ZFPM2: variants seen among roughly 807,000 people sequenced by gnomAD.
ZFPM2 encodes zinc finger protein, FOG family member 2.
A neutral mutation model predicts 98.6 loss-of-function variants in ZFPM2; 20 were observed. The ratio of observed to expected loss-of-function variants is 0.20; its 90% CI spans 0.14 to 0.29. ZFPM2 has a LOEUF of 0.29. Ranked by LOEUF, ZFPM2 falls within the 10% of genes least tolerant of loss-of-function variation. The pLI, the probability that ZFPM2 is intolerant of heterozygous loss-of-function variation, is 1.00. For synonymous variants in ZFPM2, 518 were observed against 502.7 expected (o/e 1.03, Z -0.41); for missense variants, 1,310 against 1,388.6 (o/e 0.94, Z 0.90).
At chr8:105,673,524 A>C (rs1817636611) in intron 5 of ZFPM2, among the ~76,000 whole-genome samples, 1 of 152,092 alleles carries the variant, frequency 6.6e-6, no homozygotes, top group South Asian at 2.1e-4. Context: ...TGCTTCTGTT[A>C]CTGCCTTTTT....
intron 4 of ZFPM2, among the ~76,000 whole-genome samples, chr8:105,575,912 T>C (rs13270854): frequency 0.11 from 17,491 of 152,218 alleles, 1,287 homozygotes; most frequent in Non-Finnish European, 0.17. Context: ...TAAGCTGTTT[T>C]GGAGCCTAAT....
intron 3 of ZFPM2, among the ~76,000 whole-genome samples, chr8:105,456,207 A>G (rs1196599352): frequency 6.9e-6 from 1 of 145,308 alleles, no homozygotes; most frequent in African/African-American, 2.5e-5. Flanking sequence ...CCTGGCTTAA[A>G]TGGTGCTGAG....
intron 3 of ZFPM2, among the ~76,000 whole-genome samples, chr8:105,446,263 G>A (rs2130229839): frequency 6.6e-6 from 1 of 152,260 alleles, no homozygotes; most frequent in African/African-American, 2.4e-5. Context: ...TGTTAATTTA[G>A]AAGTGTTTTT....
intron 5 of ZFPM2, among the ~76,000 whole-genome samples, chr8:105,671,014 T>C (rs1477697211): frequency 6.6e-6 from 1 of 152,170 alleles, no homozygotes; most frequent in Non-Finnish European, 1.5e-5. Flanking sequence ...GATGTATTGT[T>C]AGTTTACCAT....
intron 1 of ZFPM2, among the ~76,000 whole-genome samples, chr8:105,415,317 A>C (rs180987589): frequency 9.3e-4 from 142 of 152,188 alleles, no homozygotes; most frequent in Non-Finnish European, 1.6e-3. Context: ...AATGAGGTAA[A>C]TATTCATATT....
At chr8:105,648,474 T>A (rs1376299795) in intron 5 of ZFPM2, among the ~76,000 whole-genome samples, 3 of 152,182 alleles carry the variant, frequency 2.0e-5, no homozygotes, top group African/African-American at 7.2e-5. Flanking sequence ...CTGAATGGTA[T>A]TGCCTAGGTT....
chr8:105,746,654 AAT>A (rs139590217), intron 5 of ZFPM2, among the ~76,000 whole-genome samples: 11,037 of 111,910 alleles, frequency 0.099, 636 homozygotes, highest in African/African-American at 0.13. Context: ...TGTTTTTAAA[AAT>A]TTTTTTTTTT....
intron 1 of ZFPM2, among the ~76,000 whole-genome samples, chr8:105,347,970 A>T (rs1812570181): frequency 6.6e-6 from 1 of 152,174 alleles, no homozygotes; most frequent in African/African-American, 2.4e-5. Flanking sequence ...AATCACCTTA[A>T]TCCAGTGTGA....
chr8:105,645,928 C>A (rs2130858693), intron 5 of ZFPM2, among the ~76,000 whole-genome samples: 1 of 151,894 alleles, frequency 6.6e-6, no homozygotes, highest in African/African-American at 2.4e-5. Flanking sequence ...TGGCACACAC[C>A]TGTAGTCCCA....
chr8:105,793,905 C>G (rs7834155), intron 6 of ZFPM2, among the ~76,000 whole-genome samples: 3 of 151,512 alleles, frequency 2.0e-5, no homozygotes, highest in Admixed American at 6.6e-5. Flanking sequence ...ACGTAGTTCT[C>G]GAGCCTTGGC....
chr8:105,426,297 A>G (rs531900014), intron 2 of ZFPM2, among the ~76,000 whole-genome samples: 109 of 152,252 alleles, frequency 7.2e-4, no homozygotes, highest in African/African-American at 2.5e-3. Context: ...AGCCAATATG[A>G]CTTTGTTTTT....
chr8:105,795,734 A>C, intron 6 of ZFPM2: 1 of 426,134 alleles, frequency 2.3e-6, no homozygotes, highest in Non-Finnish European at 4.6e-6. Flanking sequence ...AACTTAACTT[A>C]GTTTGTATTT....
At chr8:105,418,782 G>C (rs535089711) in intron 1 of ZFPM2, 1 of 511,182 alleles carries the variant, frequency 2.0e-6, no homozygotes, top group Admixed American at 2.1e-5. Flanking sequence ...GTGTAAAAGA[G>C]ACTTGTACTC....
intron 3 of ZFPM2, among the ~76,000 whole-genome samples, chr8:105,537,228 A>G (rs1377315734): frequency 1.3e-5 from 2 of 152,096 alleles, no homozygotes; most frequent in African/African-American, 2.4e-5. Flanking sequence ...TTGAAGTATT[A>G]GTTACCAATT....
intron 4 of ZFPM2, among the ~76,000 whole-genome samples, chr8:105,630,412 G>C (rs1373573867): frequency 6.6e-6 from 1 of 152,068 alleles, no homozygotes; most frequent in Non-Finnish European, 1.5e-5. Context: ...GAAAGAAATT[G>C]ACTTACCTCC....
intron 5 of ZFPM2, among the ~76,000 whole-genome samples, chr8:105,717,516 A>G (rs1400993727): frequency 2.0e-5 from 3 of 151,888 alleles, no homozygotes; most frequent in Non-Finnish European, 4.4e-5. Context: ...AGCTTTTTCT[A>G]TGGCCTCCAC....
At position 105,561,467 on chromosome 8, in the gene ZFPM2, A is replaced by G; in HGVS notation, c.406A>G (p.Asn136Asp). ...WGPFPGKMDL[N>D]NNSLKTKAQV... Reference sequence around the variant, plus strand: ...GCCGTTTCCTGGGAAGATGGACTTGAATAATAATTCTTTGGTATGTGGATA... The same window carrying G: ...GCCGTTTCCTGGGAAGATGGACTTGGATAATAATTCTTTGGTATGTGGATA... Residue 136 changes from asparagine (N) to aspartate (D), a missense_variant, in exon 4 of 8, where the codon AAT becomes GAT. Transcript: ENST00000407775. The G allele has an allele frequency of 6.2e-7, 1 of 1,612,066 alleles. No individual in the cohort carries two copies. The highest frequency in any genetic ancestry group is 1.1e-5 in the South Asian group (1 of 90,874).
intron 5 of ZFPM2, among the ~76,000 whole-genome samples, chr8:105,786,287 C>A (rs535649701): frequency 2.6e-5 from 4 of 152,202 alleles, no homozygotes; most frequent in African/African-American, 9.6e-5. Context: ...CAAGAAGTGT[C>A]AGTTACTCAG....
At chr8:105,483,612 G>A (rs1050284199) in intron 3 of ZFPM2, among the ~76,000 whole-genome samples, 12 of 151,418 alleles carry the variant, frequency 7.9e-5, no homozygotes, top group African/African-American at 1.9e-4. Flanking sequence ...AAATGTTTAC[G>A]TTCAGTTGAT....
Sources: gnomAD v4.1 joint callset for allele counts (sites outside exome capture counted in the v4.1 genomes callset) on GRCh38, gnomAD v4.1.1 for gene constraint, MANE v1.5 for transcripts, NCBI Gene and HGNC (gene_info 2026-07-23, HGNC 2026-07-21) for gene names.